MAP4K1: variants seen among roughly 807,000 people sequenced by gnomAD.
The protein encoded by MAP4K1 is MAPK/ERK kinase kinase kinase 1.
A neutral mutation model predicts 122.8 loss-of-function variants in MAP4K1; 35 were observed. The ratio of observed to expected loss-of-function variants is 0.29; its 90% CI spans 0.22 to 0.38. The LOEUF (loss-of-function observed/expected upper bound fraction) is 0.38, where lower values mean the gene tolerates loss of function less well. Ranked by LOEUF, MAP4K1 falls within the 10% of genes least tolerant of loss-of-function variation. MAP4K1 has a pLI of 1.00. For synonymous variants in MAP4K1, 412 were observed against 421.3 expected (o/e 0.98, Z 0.27); for missense variants, 791 against 1,072.6 (o/e 0.74, Z 3.67).
intron 30 of MAP4K1, among the ~76,000 whole-genome samples, chr19:38,589,681 C>T (rs1317000732): frequency 6.6e-6 from 1 of 152,142 alleles, no homozygotes; most frequent in East Asian, 1.9e-4. Flanking sequence ...TCCCAAAGTG[C>T]TGGGATTACA....
At chr19:38,616,283 T>C (rs1599723058) in intron 3 of MAP4K1, 24 bp from the exon 4 acceptor site, 1 of 1,583,220 alleles carries the variant, frequency 6.3e-7, no homozygotes, top group Non-Finnish European at 8.6e-7. Context: ...AGAGTAAGAA[T>C]AATAATAGCA....
At chr19:38,590,321 G>A (rs1296181379) in intron 30 of MAP4K1, among the ~76,000 whole-genome samples, 6 of 126,528 alleles carry the variant, frequency 4.7e-5, no homozygotes, top group Non-Finnish European at 6.4e-5. Flanking sequence ...ATTTTTTCCG[G>A]CTTAATTATA....
chr19:38,590,383 AAAAAAAAAAAAATAT>A (rs1286708338), intron 30 of MAP4K1, among the ~76,000 whole-genome samples: 1 of 69,996 alleles, frequency 1.4e-5, no homozygotes, highest in African/African-American at 7.7e-5. Context: ...GAAAAAAAAA[AAAAAAAAAAAAATAT>A]ATATATATAT....
chr19:38,616,180 T>C lies in MAP4K1; in HGVS notation c.313+15A>G. ...ATAGGGAGGGGTGCTTGGGTCCCGT[T>C]GTCCTTTCTCTAACCTTGGTAGATG... is the stretch of plus-strand genomic sequence containing the variant. On this transcript the variant is annotated intron_variant, in intron 4 of 30. Transcript: ENST00000396857. 1 of 1,609,516 alleles carries C rather than the reference T, an allele frequency of 6.2e-7. No individual in the cohort carries two copies. Among genetic ancestry groups the C allele is most frequent in the South Asian group, 1.1e-5 (1 of 90,310 alleles).
At chr19:38,588,214 G>T (rs556006886) in intron 30 of MAP4K1, among the ~76,000 whole-genome samples, 1 of 152,136 alleles carries the variant, frequency 6.6e-6, no homozygotes, top group Non-Finnish European at 1.5e-5. Flanking sequence ...GAGATGTCAT[G>T]GCCTTGTGGG....
At chr19:38,602,344 G>T (rs967360964) in intron 19 of MAP4K1, among the ~76,000 whole-genome samples, 7 of 151,490 alleles carry the variant, frequency 4.6e-5, no homozygotes, top group African/African-American at 1.5e-4. Flanking sequence ...CAAAGTGCTG[G>T]GATTACAGGC....
chr19:38,589,777 C>T (rs2145927015), intron 30 of MAP4K1, among the ~76,000 whole-genome samples: 1 of 152,198 alleles, frequency 6.6e-6, no homozygotes, highest in East Asian at 1.9e-4. Flanking sequence ...TGCCTATAAG[C>T]CCAGCACTTT....
rs760421954 is a variant in MAP4K1, at chr19:38,587,826, G to A, written c.2397-9C>T. 1.2e-6 allele frequency: 2 copies of A among 1,608,662 alleles called. No individual in the cohort carries two copies. Among genetic ancestry groups the A allele is most frequent in the Non-Finnish European group, 1.7e-6 (2 of 1,175,032 alleles). On this transcript the variant is annotated splice_polypyrimidine_tract_variant and intron_variant, in intron 30 of 30. Coordinates refer to ENST00000396857, the MANE Select transcript of MAP4K1 (RefSeq NM_001042600.3). Reference sequence around the variant, plus strand: ...TCTCCACCACTACAGGCCTGTGGAAGGAAGAGATAAGTCAGTTCATTTATT... The same window carrying A: ...TCTCCACCACTACAGGCCTGTGGAAAGAAGAGATAAGTCAGTTCATTTATT...
chr19:38,612,112 TAAATAA>T (rs941557287), intron 9 of MAP4K1, among the ~76,000 whole-genome samples: 42 of 142,992 alleles, frequency 2.9e-4, no homozygotes, highest in Non-Finnish European at 4.6e-4. Context: ...AATAAATAAA[TAAATAA>T]AAATAAAAAT....
Position 38,596,436 on chromosome 19 carries a change from G to T in MAP4K1, c.1992C>A (p.Thr664=). 6.3e-7 allele frequency: 1 copy of T among 1,589,616 alleles called. No homozygotes were observed. The highest frequency in any genetic ancestry group is 1.3e-5 in the African/African-American group (1 of 74,848). ...PTPLSVFALL[T]GPGSELPAVC... ...CAGCGGGCAGCTCAGAGCCTGGCCCGGTCAGCAGCGCGAACACGGACAGAG... is the reference window on the plus strand; with the variant it reads ...CAGCGGGCAGCTCAGAGCCTGGCCCTGTCAGCAGCGCGAACACGGACAGAG... The change falls in exon 26 of 31, where the codon ACC becomes ACA. Residue 664 remains threonine, a synonymous_variant. Coordinates refer to ENST00000396857, the MANE Select transcript of MAP4K1 (RefSeq NM_001042600.3).
chr19:38,617,886 C>T lies in MAP4K1; in HGVS notation c.10G>A (p.Val4Met). The T allele has an allele frequency of 1.2e-6, 2 of 1,614,112 alleles. No individual in the cohort carries two copies. Among genetic ancestry groups the T allele is most frequent in the Non-Finnish European group, 1.7e-6 (2 of 1,179,974 alleles). Reference sequence around the variant, plus strand: ...TCTCTATTGAAAATGTCAGGGTCCACGACGTCCATCCCTGGGGGCCTGAGC... The same window carrying T: ...TCTCTATTGAAAATGTCAGGGTCCATGACGTCCATCCCTGGGGGCCTGAGC... MDV[V>M]DPDIFNRDPR... The change falls in exon 1 of 31, where the codon GTG becomes ATG. Residue 4 changes from valine to methionine, a missense_variant. This residue lies in a region of MAP4K1 where 163 missense variants were observed against 286.1 expected (regional missense o/e 0.57). Coordinates refer to ENST00000396857, the MANE Select transcript of MAP4K1 (RefSeq NM_001042600.3). This position sits in a 1 kb window ranked among gnomAD's most constrained non-coding sequence, Gnocchi z 4.1.
chr19:38,597,790 G>A lies in MAP4K1; in HGVS notation c.1670-196C>T, dbSNP rs529339798. On this transcript the variant is annotated intron_variant, in intron 22 of 30. Transcript: ENST00000396857. The surrounding 1 kb of genome is among the most constrained non-coding windows in gnomAD (Gnocchi z 4.6). ...GTCCATTGTAGGCCAGGCCTGCTGT[G>A]CTTGGCTCTGGTGAACAGTGATGAG... Among the ~76,000 whole-genome samples the A allele has an allele frequency of 3.9e-5, 6 of 152,268 alleles. No individual in the cohort carries two copies. In the East Asian group the frequency reaches 1.2e-3, roughly 29 times the overall value.
Position 38,617,442 on chromosome 19 carries a change from C to G in MAP4K1, c.160G>C (p.Asp54His), listed in dbSNP as rs1191169276. 6.2e-7 allele frequency: 1 copy of G among 1,611,658 alleles called. No individual in the cohort carries two copies. Among genetic ancestry groups the G allele is most frequent in the Non-Finnish European group, 8.5e-7 (1 of 1,178,006 alleles). Reference protein sequence around the residue: ...ALKMVKMEPDDDVSTLQKEIL... With the variant: ...ALKMVKMEPDHDVSTLQKEIL... ...TCCTTCTGAAGGGTGGAGACATCATCATCTGTGAGGAGGGCGGGAGAGAAA... is the reference window on the plus strand; with the variant it reads ...TCCTTCTGAAGGGTGGAGACATCATGATCTGTGAGGAGGGCGGGAGAGAAA... Residue 54 changes from aspartate (D) to histidine (H), a missense_variant and splice_region_variant, in exon 3 of 31, where the codon GAT becomes CAT. Asp to His is a moderately conservative substitution (Grantham distance 81). Transcript: ENST00000396857. This position sits in a 1 kb window ranked among gnomAD's most constrained non-coding sequence, Gnocchi z 4.1.
In MAP4K1 at chr19:38,596,389, C is replaced by T. The variant is rs1280202393; in HGVS notation, c.2039G>A (p.Gly680Glu). 7 of 1,597,586 alleles carry T rather than the reference C, an allele frequency of 4.4e-6. 1 individual carries two copies. Among genetic ancestry groups the T allele is most frequent in the Non-Finnish European group, 5.1e-6 (6 of 1,175,230 alleles). Reference protein sequence around the residue: ...LPAVCIGVSPGRPGKSVLFHT... With the variant: ...LPAVCIGVSPERPGKSVLFHT... ...GAAGAGCACCGACTTCCCCGGCCGC[C>T]CGGGGCTCACGCCGATGCACACAGC... Residue 680 changes from glycine to glutamate, a missense_variant, in exon 26 of 31, where the codon GGG (glycine) becomes GAG (glutamate). Physicochemically the swap from Gly to Glu is moderately conservative, Grantham distance 98. Transcript: ENST00000396857.
intron 29 of MAP4K1, among the ~76,000 whole-genome samples, 197 bp from the exon 30 acceptor site, chr19:38,593,534 C>T (rs1312911339): frequency 2.0e-5 from 3 of 152,156 alleles, no homozygotes; most frequent in Non-Finnish European, 4.4e-5. Context: ...AAAACCTCGT[C>T]TCTACTAAAA....
In MAP4K1 at chr19:38,596,461, G is replaced by A. The variant is rs1258597838; in HGVS notation, c.1967C>T (p.Pro656Leu). The change falls in exon 26 of 31, where the codon CCT becomes CTT. Residue 656 changes from proline to leucine, a missense_variant. Physicochemically the swap from Pro to Leu is moderately conservative, Grantham distance 98. Transcript: ENST00000396857. ...GGTCAGCAGCGCGAACACGGACAGA[G>A]GCGTCGGCAGTGGGAACAGCACCTG... is the stretch of plus-strand genomic sequence containing the variant. Reference protein sequence around the residue: ...VRQVLFPLPTPLSVFALLTGP... With the variant: ...VRQVLFPLPTLLSVFALLTGP... 6.3e-7 allele frequency: 1 copy of A among 1,575,196 alleles called. No homozygotes were observed. The highest frequency in any genetic ancestry group is 1.8e-5 in the Admixed American group (1 of 56,118).
intron 8 of MAP4K1, among the ~76,000 whole-genome samples, 199 bp downstream of exon 8, chr19:38,613,681 C>T (rs1043551170): frequency 4.6e-5 from 7 of 151,562 alleles, no homozygotes; most frequent in African/African-American, 1.7e-4. Flanking sequence ...ACACAAACAC[C>T]GAGAGCAATG....
At chr19:38,605,873 C>T in intron 17 of MAP4K1, 143 bp from the exon 18 acceptor site, 1 of 768,188 alleles carries the variant, frequency 1.3e-6, no homozygotes, top group Non-Finnish European at 2.1e-6. Flanking sequence ...GTGCCCCCTC[C>T]AGCCTTCCCC....
At chr19:38,589,505 T>TC (rs1289319775) in intron 30 of MAP4K1, among the ~76,000 whole-genome samples, 1 of 149,240 alleles carries the variant, frequency 6.7e-6, no homozygotes, top group Non-Finnish European at 1.5e-5. Context: ...AACCTCCGCC[T>TC]CCCGGGTTCA....
Sources: gnomAD v4.1 joint callset for allele counts (sites outside exome capture counted in the v4.1 genomes callset) on GRCh38, gnomAD v4.1.1 for gene constraint, gnomAD v4.1.1 regional missense constraint, Gnocchi (gnomAD v3.1) non-coding constraint, MANE v1.5 for transcripts, NCBI Gene and HGNC (gene_info 2026-07-23, HGNC 2026-07-21) for gene names.